Variants in SPMIP7 observed in about 807,000 individuals in gnomAD.
SPMIP7 encodes the protein protein SPMIP7.
At chr7:50,143,461 C>T in the SPMIP7 span, among the ~76,000 whole-genome samples, 2 of 152,140 alleles carry the variant, frequency 1.3e-5, no homozygotes, top group African/African-American at 2.4e-5. Flanking sequence ...CCACCACACC[C>T]GGCCCAAAAA....
the SPMIP7 span, chr7:50,142,545 T>C: frequency 6.6e-6 from 1 of 152,268 alleles, no homozygotes; most frequent in Non-Finnish European, 1.5e-5. Context: ...GTTTCTTCTT[T>C]TGATTCGCTT....
chr7:50,111,664 T>A, the SPMIP7 span, among the ~76,000 whole-genome samples: 34 of 152,288 alleles, frequency 2.2e-4, no homozygotes, highest in African/African-American at 7.9e-4. Context: ...AGAAAAGAAA[T>A]GATTTGGGTG....
chr7:50,121,825 TG>T, the SPMIP7 span, among the ~76,000 whole-genome samples: 5 of 112,254 alleles, frequency 4.5e-5, no homozygotes, highest in African/African-American at 1.8e-4. Context: ...AGCTAATTTT[TG>T]TTTTTTTTCT....
chr7:50,145,624 A>ATATATATATG, the SPMIP7 span, among the ~76,000 whole-genome samples: 1 of 66,692 alleles, frequency 1.5e-5, no homozygotes, highest in African/African-American at 6.7e-5. Flanking sequence ...GTGTGTATAT[A>ATATATATATG]TATATATATA....
At chr7:50,140,151 G>C in the SPMIP7 span, 3 of 1,505,446 alleles carry the variant, frequency 2.0e-6, no homozygotes, top group Non-Finnish European at 2.7e-6. Context: ...GTGAGTTCAA[G>C]TTCTAGAAGT....
At chr7:50,139,462 C>A in the SPMIP7 span, among the ~76,000 whole-genome samples, 1 of 151,834 alleles carries the variant, frequency 6.6e-6, no homozygotes, top group South Asian at 2.1e-4. Flanking sequence ...TAATTCTTAA[C>A]ATGTGAATGT....
At chr7:50,143,931 T>G in the SPMIP7 span, among the ~76,000 whole-genome samples, 2 of 152,218 alleles carry the variant, frequency 1.3e-5, no homozygotes, top group Non-Finnish European at 2.9e-5. Flanking sequence ...CTTCTATTTG[T>G]GTAGATGTAC....
At chr7:50,140,663 G>T in the SPMIP7 span, among the ~76,000 whole-genome samples, 1 of 152,176 alleles carries the variant, frequency 6.6e-6, no homozygotes, top group African/African-American at 2.4e-5. Flanking sequence ...TTAGATGGAA[G>T]AAGAACCTTG....
At chr7:50,117,062 G>T in the SPMIP7 span, among the ~76,000 whole-genome samples, 1 of 152,136 alleles carries the variant, frequency 6.6e-6, no homozygotes, top group Non-Finnish European at 1.5e-5. Context: ...TTCCCTAATG[G>T]CCTCACCATT....
chr7:50,116,106 T>C, the SPMIP7 span, among the ~76,000 whole-genome samples: 1 of 152,218 alleles, frequency 6.6e-6, no homozygotes, highest in Admixed American at 6.5e-5. Flanking sequence ...AAATTACTTT[T>C]CATTTTATTT....
the SPMIP7 span, among the ~76,000 whole-genome samples, chr7:50,156,094 G>C: frequency 6.6e-6 from 1 of 152,158 alleles, no homozygotes; most frequent in African/African-American, 2.4e-5. Context: ...ATGGTGCGGA[G>C]GGGCAGGAGG....
chr7:50,134,029 TATC>T, the SPMIP7 span: 2 of 1,279,954 alleles, frequency 1.6e-6, no homozygotes, highest in African/African-American at 1.5e-5. Flanking sequence ...CGGATTCTCT[TATC>T]ATAGTATCAT....
chr7:50,130,163 G>T, the SPMIP7 span, among the ~76,000 whole-genome samples: 2 of 152,144 alleles, frequency 1.3e-5, no homozygotes, highest in Admixed American at 1.3e-4. Context: ...ACATCAGTGA[G>T]TAGGCAAAGA....
the SPMIP7 span, among the ~76,000 whole-genome samples, chr7:50,137,687 A>T: frequency 6.7e-6 from 1 of 149,896 alleles, no homozygotes; most frequent in Non-Finnish European, 1.5e-5. Flanking sequence ...ATTTTCAGAT[A>T]AAAAAAAATC....
the SPMIP7 span, among the ~76,000 whole-genome samples, chr7:50,126,755 T>C: frequency 9.2e-5 from 14 of 152,078 alleles, no homozygotes; most frequent in African/African-American, 2.6e-4. Flanking sequence ...AACATACTAA[T>C]GGAGTAAAAG....
the SPMIP7 span, among the ~76,000 whole-genome samples, chr7:50,143,116 G>A: frequency 6.7e-6 from 1 of 150,332 alleles, no homozygotes. Context: ...ACTTAATCAT[G>A]GCTGGGAAAC....
the SPMIP7 span, among the ~76,000 whole-genome samples, chr7:50,107,429 A>T: frequency 1.3e-5 from 2 of 150,798 alleles, no homozygotes; most frequent in Admixed American, 1.3e-4. Context: ...ATTGGGGGTA[A>T]AAGCAATTCC....
At chr7:50,126,794 C>A in the SPMIP7 span, among the ~76,000 whole-genome samples, 6 of 151,588 alleles carry the variant, frequency 4.0e-5, no homozygotes, top group Non-Finnish European at 8.8e-5. Flanking sequence ...CTAGATATAG[C>A]TTTGAAGAAT....
the SPMIP7 span, among the ~76,000 whole-genome samples, chr7:50,116,826 T>C: frequency 1.3e-5 from 2 of 152,306 alleles, no homozygotes; most frequent in East Asian, 3.9e-4. Flanking sequence ...AATATCCTTT[T>C]ATAGCAACTT....
Sources: gnomAD v4.1 joint callset for allele counts (sites outside exome capture counted in the v4.1 genomes callset) on GRCh38, gnomAD v4.1.1 for gene constraint, MANE v1.5 for transcripts, NCBI Gene and HGNC (gene_info 2026-07-23, HGNC 2026-07-21) for gene names.